NLGN1: variants seen among roughly 807,000 people sequenced by gnomAD.
The protein encoded by NLGN1 is neuroligin-1.
In NLGN1, 12 loss-of-function variants were observed where a neutral mutation model predicts 65.5. That is an observed-to-expected ratio of 0.18 (90% CI 0.12 to 0.30). The LOEUF (loss-of-function observed/expected upper bound fraction) is 0.30, where lower values mean the gene tolerates loss of function less well. Ranked by LOEUF, NLGN1 falls within the 10% of genes least tolerant of loss-of-function variation. NLGN1 has a pLI of 1.00. For missense variants in NLGN1, 750 were observed against 1,007.1 expected, an observed-to-expected ratio of 0.74 and a Z score of 3.46; for synonymous variants, 350 against 359.5, an observed-to-expected ratio of 0.97 and a Z score of 0.30.
chr3:174,080,434 G>C (rs939555328), intron 4 of NLGN1, among the ~76,000 whole-genome samples: 31 of 152,180 alleles, frequency 2.0e-4, no homozygotes, highest in African/African-American at 7.2e-4. Context: ...CCTAGCAGGC[G>C]ACTTAAGAGA....
At chr3:173,881,485 C>T (rs1265442349) in intron 4 of NLGN1, among the ~76,000 whole-genome samples, 11 of 138,144 alleles carry the variant, frequency 8.0e-5, no homozygotes, top group East Asian at 2.1e-4. Flanking sequence ...AGTGCAGTGG[C>T]GCAATCTCGG....
rs191439381 is a variant in NLGN1 at position 173,943,513 on chromosome 3, T to G, written c.646+135681T>G. On this transcript the variant is annotated intron_variant, in intron 4 of 6. Transcript: ENST00000457714. ...CATGCACAGTGAATTACCTCTGAGC[T>G]GTTTCCTCTTTGTTAGGTAATGGCG... Among the ~76,000 whole-genome samples the G allele has an allele frequency of 4.5e-4, 69 of 152,290 alleles. No homozygotes were observed. In the East Asian group the frequency reaches 6.6e-3, roughly 14 times the overall value.
intron 4 of NLGN1, among the ~76,000 whole-genome samples, chr3:174,053,135 C>G (rs572522561): frequency 3.6e-4 from 54 of 151,900 alleles, no homozygotes; most frequent in African/African-American, 2.9e-4. Context: ...GAAAGTACCC[C>G]CAAAATGAAA....
At chr3:174,193,801 G>C (rs578243601) in intron 4 of NLGN1, among the ~76,000 whole-genome samples, 1 of 151,834 alleles carries the variant, frequency 6.6e-6, no homozygotes, top group African/African-American at 2.4e-5. Flanking sequence ...TTTAAGGCTT[G>C]GTTTAAAATA....
intron 3 of NLGN1, among the ~76,000 whole-genome samples, chr3:173,687,453 G>T (rs745712818): frequency 3.9e-5 from 6 of 152,162 alleles, no homozygotes; most frequent in African/African-American, 7.2e-5. Flanking sequence ...ACAGATACAG[G>T]TGTGCTTTGT....
intron 4 of NLGN1, among the ~76,000 whole-genome samples, chr3:173,854,589 G>T (rs1190069795): frequency 1.3e-5 from 2 of 151,970 alleles, no homozygotes; most frequent in Admixed American, 6.6e-5. Context: ...TGTTTGCGTT[G>T]ATTTTTGTAT....
intron 2 of NLGN1, among the ~76,000 whole-genome samples, chr3:173,446,847 C>T (rs983769932): frequency 6.6e-6 from 1 of 152,174 alleles, no homozygotes; most frequent in Non-Finnish European, 1.5e-5. Flanking sequence ...TGTTTTTTGG[C>T]TGCATAAATG....
At chr3:173,422,164 TAC>T (rs1715216472) in intron 1 of NLGN1, among the ~76,000 whole-genome samples, 2 of 146,586 alleles carry the variant, frequency 1.4e-5, no homozygotes, top group African/African-American at 5.5e-5. Context: ...CACACACACA[TAC>T]ACACAATGGA....
At chr3:173,414,579 A>G (rs1366824072) in intron 1 of NLGN1, among the ~76,000 whole-genome samples, 1 of 144,542 alleles carries the variant, frequency 6.9e-6, no homozygotes, top group East Asian at 2.0e-4. Context: ...CAACATCTCC[A>G]TGTGAAAAAA....
At chr3:174,069,443 C>T (rs184312721) in intron 4 of NLGN1, among the ~76,000 whole-genome samples, 3 of 152,148 alleles carry the variant, frequency 2.0e-5, no homozygotes, top group East Asian at 3.9e-4. Context: ...ATTGCAGTGA[C>T]GGGAAAGATG....
chr3:173,944,706 T>A (rs1005777579), intron 4 of NLGN1, among the ~76,000 whole-genome samples: 5 of 152,220 alleles, frequency 3.3e-5, no homozygotes, highest in African/African-American at 1.2e-4. Context: ...CTTTTTCCCA[T>A]CATGCCTAGC....
intron 4 of NLGN1, among the ~76,000 whole-genome samples, chr3:174,091,036 C>A (rs1744418319): frequency 6.6e-6 from 1 of 152,140 alleles, no homozygotes; most frequent in Non-Finnish European, 1.5e-5. Flanking sequence ...TGAAGAAGTA[C>A]AGTGCTGCAG....
At chr3:173,882,599 C>G (rs1025482990) in intron 4 of NLGN1, among the ~76,000 whole-genome samples, 2 of 152,202 alleles carry the variant, frequency 1.3e-5, no homozygotes, top group African/African-American at 4.8e-5. Context: ...TCAGTCTTTG[C>G]CAGCTTCCAA....
chr3:173,832,068 C>T (rs554829777), intron 4 of NLGN1, among the ~76,000 whole-genome samples: 1 of 151,790 alleles, frequency 6.6e-6, no homozygotes, highest in Non-Finnish European at 1.5e-5. Flanking sequence ...CGCGATCTTT[C>T]CACCTCAACC....
intron 2 of NLGN1, among the ~76,000 whole-genome samples, chr3:173,464,421 T>C (rs1376454319): frequency 6.9e-6 from 1 of 145,834 alleles, no homozygotes; most frequent in Non-Finnish European, 1.5e-5. Flanking sequence ...CCACCTCCCA[T>C]GGTATCAGTT....
intron 2 of NLGN1, among the ~76,000 whole-genome samples, chr3:173,570,074 AC>A (rs1330832992): frequency 2.0e-5 from 3 of 152,174 alleles, no homozygotes; most frequent in Admixed American, 2.0e-4. Flanking sequence ...AGTAGGCTTA[AC>A]CCCAACCTAT....
chr3:173,425,288 C>T (rs190154326), intron 1 of NLGN1, among the ~76,000 whole-genome samples: 3 of 152,066 alleles, frequency 2.0e-5, no homozygotes, highest in Non-Finnish European at 4.4e-5. Context: ...AGCCAAACCA[C>T]ATCAGTTTAC....
At chr3:173,837,822 A>G (rs1310792447) in intron 4 of NLGN1, among the ~76,000 whole-genome samples, 3 of 152,200 alleles carry the variant, frequency 2.0e-5, no homozygotes, top group Non-Finnish European at 4.4e-5. Context: ...GCCATGGGGA[A>G]TGTCAGTGCA....
In NLGN1 at chr3:174,078,059, A is replaced by G. The variant is rs16833103; in HGVS notation, c.647-197256A>G. On this transcript the variant is annotated intron_variant, in intron 4 of 6. Coordinates refer to ENST00000457714, the Ensembl canonical transcript of NLGN1. ...TGCCACATAGTCTTTTGTCTACAGAAGAAAAAAATCTCAATATTGCTAAAA... is the reference window on the plus strand; with the variant it reads ...TGCCACATAGTCTTTTGTCTACAGAGGAAAAAAATCTCAATATTGCTAAAA... Among the ~76,000 whole-genome samples the G allele has an allele frequency of 6.0e-3, 916 of 152,302 alleles. 11 individuals carry two copies. Among genetic ancestry groups the G allele is most frequent in the African/African-American group, 0.021 (862 of 41,568 alleles).
Sources: allele counts gnomAD v4.1 joint callset (sites outside exome capture counted in the v4.1 genomes callset), GRCh38; gene constraint gnomAD v4.1.1; transcripts MANE v1.5; gene names NCBI Gene and HGNC (gene_info 2026-07-23, HGNC 2026-07-21).